Variants in USP48 observed in about 807,000 individuals in gnomAD.
The protein encoded by USP48 is ubiquitin specific peptidase 48.
Under a neutral mutation model 150.7 loss-of-function variants are expected in USP48, and 43 were observed. The ratio of observed to expected loss-of-function variants is 0.29; its 90% CI spans 0.22 to 0.37. USP48 has a LOEUF of 0.37. USP48 is among the 10% of genes least tolerant of loss of function. USP48 has a pLI of 1.00. For missense variants in USP48, 813 were observed against 1,249.6 expected (o/e 0.65, Z 5.27); for synonymous variants, 396 against 425.9 (o/e 0.93, Z 0.86).
At chr1:21,781,391 A>G (rs1188235378) in intron 1 of USP48, among the ~76,000 whole-genome samples, 1 of 151,378 alleles carries the variant, frequency 6.6e-6, no homozygotes, top group Non-Finnish European at 1.5e-5. Context: ...GTGAGCCGAG[A>G]TCACGCCATT....
chr1:21,739,034 T>C (rs1380087486), intron 8 of USP48, among the ~76,000 whole-genome samples: 2 of 152,112 alleles, frequency 1.3e-5, no homozygotes, highest in South Asian at 2.1e-4. Context: ...CCCAATACCA[T>C]GTGAAGGCAA....
chr1:21,782,959 GC>G lies in USP48; in HGVS notation c.-3del. On this transcript the variant is annotated 5_prime_UTR_variant, in exon 1 of 27. Coordinates refer to ENST00000308271, the MANE Select transcript of USP48 (RefSeq NM_032236.8). ...CTCCAGCTGCAGCCGCGGGGCCATG[GC>G]CTTGGCCCCAGGAACGCCTCCCGAG... is the stretch of plus-strand genomic sequence containing the variant. The G allele has an allele frequency of 6.5e-7, 1 of 1,536,538 alleles. No individual in the cohort carries two copies.
intron 14 of USP48, among the ~76,000 whole-genome samples, chr1:21,720,651 C>A (rs1388042679): frequency 6.6e-6 from 1 of 151,682 alleles, no homozygotes; most frequent in Non-Finnish European, 1.5e-5. Flanking sequence ...CCTCAGCCTC[C>A]CGAGTAGCTG....
intron 1 of USP48, among the ~76,000 whole-genome samples, chr1:21,776,823 T>C (rs540441744): frequency 6.6e-6 from 1 of 151,830 alleles, no homozygotes; most frequent in South Asian, 2.1e-4. Context: ...GCGTGGTGCC[T>C]GCAATGCCAG....
chr1:21,682,699 A>T (rs982308926), intron 25 of USP48, among the ~76,000 whole-genome samples: 3 of 151,954 alleles, frequency 2.0e-5, no homozygotes, highest in African/African-American at 7.3e-5. Context: ...ACATAGTGAA[A>T]CTCTGTCCCT....
chr1:21,721,228 T>C (rs1026617465), intron 13 of USP48, 62 bp from the exon 14 acceptor site: 17 of 1,582,798 alleles, frequency 1.1e-5, no homozygotes, highest in Admixed American at 1.8e-5. Context: ...TCCTCCCTTC[T>C]TTGCCTGTAA....
chr1:21,683,008 C>T (rs1216059081), intron 25 of USP48, among the ~76,000 whole-genome samples: 5 of 152,182 alleles, frequency 3.3e-5, no homozygotes, highest in African/African-American at 1.2e-4. Context: ...CATCTGTAAT[C>T]CAAACACTTC....
intron 12 of USP48, 107 bp downstream of exon 12, chr1:21,723,791 G>C: frequency 1.1e-6 from 1 of 951,888 alleles, no homozygotes; most frequent in Non-Finnish European, 1.6e-6. Flanking sequence ...GGAATATTTG[G>C]TCTAGCATAG....
At chr1:21,728,842 C>T (rs1206751294) in intron 10 of USP48, 123 bp from the exon 11 acceptor site, 1 of 1,207,398 alleles carries the variant, frequency 8.3e-7, no homozygotes, top group African/African-American at 1.5e-5. Context: ...ACTATGGTCT[C>T]CCTGTCTGCT....
chr1:21,732,075 C>T (rs1438608443), intron 9 of USP48, among the ~76,000 whole-genome samples: 1 of 152,084 alleles, frequency 6.6e-6, no homozygotes, highest in Non-Finnish European at 1.5e-5. Context: ...ATCAGGAATT[C>T]GAAACCAGTC....
chr1:21,717,999 T>C (rs1474057386), intron 14 of USP48, among the ~76,000 whole-genome samples: 1 of 152,218 alleles, frequency 6.6e-6, no homozygotes, highest in Non-Finnish European at 1.5e-5. Context: ...GACAAAAGCA[T>C]GCAAAAATGA....
chr1:21,762,657 G>A (rs1375903498), intron 1 of USP48, among the ~76,000 whole-genome samples: 1 of 152,030 alleles, frequency 6.6e-6, no homozygotes, highest in African/African-American at 2.4e-5. Flanking sequence ...CACGAGGTCA[G>A]GGGTTTGAGA....
At chr1:21,721,857 T>C in intron 12 of USP48, 93 bp from the exon 13 acceptor site, 1 of 865,218 alleles carries the variant, frequency 1.2e-6, no homozygotes, top group Non-Finnish European at 1.7e-6. Context: ...CACAGACACA[T>C]TCTAAACCAA....
intron 9 of USP48, among the ~76,000 whole-genome samples, chr1:21,735,340 C>T (rs1027022963): frequency 6.6e-6 from 1 of 151,200 alleles, no homozygotes; most frequent in Non-Finnish European, 1.5e-5. Context: ...TAGCTCATGC[C>T]TTGTAATCCC....
At chr1:21,728,147 A>G (rs2097744715) in intron 11 of USP48, 31 of 987,430 alleles carry the variant, frequency 3.1e-5, no homozygotes, top group Non-Finnish European at 3.7e-5. Flanking sequence ...AAGTTAATCT[A>G]ATAGTATCAA....
At chr1:21,709,958 T>C (rs111372072) in intron 15 of USP48, among the ~76,000 whole-genome samples, 6,439 of 152,206 alleles carry the variant, frequency 0.042, 346 homozygotes, top group African/African-American at 0.12. Context: ...TAGTTGTTAA[T>C]ATATCATTAA....
intron 9 of USP48, among the ~76,000 whole-genome samples, chr1:21,735,392 G>C (rs1486817948): frequency 6.6e-6 from 1 of 152,174 alleles, no homozygotes; most frequent in African/African-American, 2.4e-5. Context: ...TTAAACTCAG[G>C]AGTTCGAAAC....
chr1:21,766,143 G>A (rs1454604363), intron 1 of USP48, among the ~76,000 whole-genome samples: 1 of 152,126 alleles, frequency 6.6e-6, no homozygotes, highest in Non-Finnish European at 1.5e-5. Flanking sequence ...CGAGGCGGGA[G>A]GATCACTTGA....
At chr1:21,725,027 C>T (rs1323302183) in intron 11 of USP48, 1 of 152,194 alleles carries the variant, frequency 6.6e-6, no homozygotes, top group African/African-American at 2.4e-5. Context: ...TACTTCAACG[C>T]AAAGCCCATT....
Sources: gnomAD v4.1 joint callset for allele counts (sites outside exome capture counted in the v4.1 genomes callset) on GRCh38, gnomAD v4.1.1 for gene constraint, MANE v1.5 for transcripts, NCBI Gene and HGNC (gene_info 2026-07-23, HGNC 2026-07-21) for gene names.